The following CLASP1 variants were observed in gnomAD, a reference collection of about 807,000 sequenced individuals.
CLASP1 encodes CLIP-associating protein 1.
CLASP1 carries 38 observed loss-of-function variants against 192.3 expected under a neutral mutation model. The ratio of observed to expected loss-of-function variants is 0.20; its 90% CI spans 0.15 to 0.26. CLASP1 has a LOEUF of 0.26. Ranked by LOEUF, CLASP1 falls within the 10% of genes least tolerant of loss-of-function variation. CLASP1 has a pLI of 1.00. For synonymous variants in CLASP1, 691 were observed against 712.8 expected, an observed-to-expected ratio of 0.97 and a Z score of 0.49; for missense variants, 1,433 against 1,932.5, an observed-to-expected ratio of 0.74 and a Z score of 4.85.
intron 22 of CLASP1, among the ~76,000 whole-genome samples, chr2:121,419,753 C>T (rs2079179095): frequency 6.6e-6 from 1 of 152,102 alleles, no homozygotes; most frequent in African/African-American, 2.4e-5. Flanking sequence ...CCAAAACAAC[C>T]TTGTATACTG....
chr2:121,565,084 A>G (rs1027726845), intron 2 of CLASP1, among the ~76,000 whole-genome samples: 1 of 152,232 alleles, frequency 6.6e-6, no homozygotes, highest in African/African-American at 2.4e-5. Flanking sequence ...GAAAGTTCAC[A>G]TATTTGCCTC....
chr2:121,439,417 G>C (rs921847096), intron 19 of CLASP1, among the ~76,000 whole-genome samples: 2 of 152,026 alleles, frequency 1.3e-5, no homozygotes, highest in African/African-American at 4.8e-5. Context: ...TAATTGTGAT[G>C]TTAGGGTGTC....
chr2:121,387,206 C>A, exon 32 of CLASP1: 1 of 1,605,454 alleles, frequency 6.2e-7, no homozygotes, highest in Non-Finnish European at 8.5e-7. Context: ...GGGCGTCCGG[C>A]CAATCGTATT....
chr2:121,509,731 G>A (rs1045887843), intron 7 of CLASP1, among the ~76,000 whole-genome samples: 8 of 152,234 alleles, frequency 5.3e-5, no homozygotes, highest in African/African-American at 1.9e-4. Flanking sequence ...CCAGCTACTT[G>A]GGAGACTGAG....
At chr2:121,408,227 G>A (rs1378556115) in intron 24 of CLASP1, among the ~76,000 whole-genome samples, 2 of 152,192 alleles carry the variant, frequency 1.3e-5, no homozygotes, top group Non-Finnish European at 2.9e-5. Context: ...GGGTAAACTT[G>A]TGTGAATATT....
intron 30 of CLASP1, among the ~76,000 whole-genome samples, chr2:121,389,501 G>C (rs1324003591): frequency 2.0e-5 from 3 of 148,162 alleles, no homozygotes; most frequent in Non-Finnish European, 4.4e-5. Context: ...AAAAAACAAT[G>C]CATGCAGAAA....
At chr2:121,367,792 C>T in exon 35 of CLASP1, 1 of 1,613,816 alleles carries the variant, frequency 6.2e-7, no homozygotes, top group Non-Finnish European at 8.5e-7. Flanking sequence ...CCCCCCCGGC[C>T]CTCAGTGGCA....
In CLASP1 at chr2:121,377,430, A is replaced by G. The variant is rs992556157; in HGVS notation, c.3642+69T>C. On this transcript the variant is annotated intron_variant, in intron 34 of 39. Transcript: ENST00000263710. ...ATGAAGCTCAGTAATCATGATGGTC[A>G]GTGTTCAGAAGTCTCATTATCTGTC... 9 of 1,037,704 alleles carry G rather than the reference A, an allele frequency of 8.7e-6. No homozygotes were observed. In the East Asian group the frequency reaches 2.3e-4, roughly 26 times the overall value. The allele number at this position is 1,037,704 out of a possible 1,614,324, so 64.3% of individuals were successfully genotyped here.
intron 37 of CLASP1, among the ~76,000 whole-genome samples, chr2:121,359,931 C>A (rs2066053879): frequency 6.6e-6 from 1 of 152,212 alleles, no homozygotes; most frequent in African/African-American, 2.4e-5. Flanking sequence ...CATATAGCTT[C>A]TTTTGAAAGA....
chr2:121,610,026 A>AAT (rs10682066), intron 1 of CLASP1, among the ~76,000 whole-genome samples: 36,085 of 152,178 alleles, frequency 0.24, 6,525 homozygotes, highest in African/African-American at 0.5. Flanking sequence ...AAAACAAATA[A>AAT]ATATGTGTTC....
intron 8 of CLASP1, 34 bp from the exon 9 acceptor site, chr2:121,469,994 A>C: frequency 6.5e-7 from 1 of 1,538,546 alleles, no homozygotes; most frequent in Non-Finnish European, 8.8e-7. Context: ...ACGTTTTTTT[A>C]AAAACAAAAA....
At chr2:121,525,592 G>A (rs1420631705) in intron 6 of CLASP1, among the ~76,000 whole-genome samples, 1 of 152,134 alleles carries the variant, frequency 6.6e-6, no homozygotes. Context: ...CTAGGCTAGT[G>A]ATTTCTCAGC....
rs930293035 is a variant in CLASP1 at position 121,572,229 on chromosome 2, C to A, written c.195+33472G>T. Among the ~76,000 whole-genome samples the A allele has an allele frequency of 7.9e-5, 12 of 152,152 alleles. No individual in the cohort carries two copies. The East Asian group carries it at 1.9e-3, about 25-fold the overall frequency. On this transcript the variant is annotated intron_variant, in intron 2 of 39. Transcript: ENST00000263710. ...GGATCACGAGATCAGGAGATCGAGA[C>A]GATCCTGGCTAACACGGTGAAACCC...
intron 21 of CLASP1, 42 bp downstream of exon 21, chr2:121,427,362 C>A: frequency 6.2e-7 from 1 of 1,608,016 alleles, no homozygotes; most frequent in Non-Finnish European, 8.5e-7. Context: ...AGAATGCCAA[C>A]AACAACAACA....
intron 12 of CLASP1, chr2:121,459,586 T>C (rs1167573301): frequency 6.3e-6 from 1 of 158,628 alleles, no homozygotes; most frequent in Non-Finnish European, 1.4e-5. Context: ...GAATAAAATC[T>C]TACTGCAGTA....
At chr2:121,548,422 G>A (rs1416696304) in intron 2 of CLASP1, among the ~76,000 whole-genome samples, 2 of 152,192 alleles carry the variant, frequency 1.3e-5, no homozygotes, top group East Asian at 3.8e-4. Flanking sequence ...ATGTAAAGAA[G>A]CCAAATCTAT....
chr2:121,518,231 CAAAAAAAAAA>C (rs35409200), intron 6 of CLASP1, among the ~76,000 whole-genome samples: 8 of 49,582 alleles, frequency 1.6e-4, no homozygotes, highest in South Asian at 7.2e-4. Flanking sequence ...ACCCCCGTCT[CAAAAAAAAAA>C]AAAAAAAAAA....
chr2:121,495,051 G>A (rs1020471309), intron 8 of CLASP1, among the ~76,000 whole-genome samples: 8 of 151,352 alleles, frequency 5.3e-5, no homozygotes, highest in South Asian at 2.1e-4. Context: ...GGCCGGGCAC[G>A]GAGGCTCACG....
intron 39 of CLASP1, among the ~76,000 whole-genome samples, chr2:121,344,288 T>C (rs977753468): frequency 6.6e-6 from 1 of 152,080 alleles, no homozygotes; most frequent in African/African-American, 2.4e-5. Context: ...GACCTCTTCG[T>C]ACAGAAGATA....
Sources: gnomAD v4.1 joint callset for allele counts (sites outside exome capture counted in the v4.1 genomes callset) on GRCh38, gnomAD v4.1.1 for gene constraint, MANE v1.5 for transcripts, NCBI Gene and HGNC (gene_info 2026-07-23, HGNC 2026-07-21) for gene names.